Variants in SHISA9 observed in about 807,000 individuals in gnomAD.
SHISA9 encodes protein shisa-9.
In SHISA9, 13 loss-of-function variants were observed where a neutral mutation model predicts 38.0. The ratio of observed to expected loss-of-function variants is 0.34; its 90% confidence interval spans 0.22 to 0.54. The LOEUF (loss-of-function observed/expected upper bound fraction) is 0.54. Among genes scored for constraint, SHISA9 ranks in the 20% least tolerant of loss-of-function variants. The pLI, the probability that SHISA9 is intolerant of heterozygous loss-of-function variation, is 0.91. For missense variants in SHISA9, 538 were observed against 575.8 expected, an observed-to-expected ratio of 0.93 and a Z score of 0.67; for synonymous variants, 275 against 242.0, an observed-to-expected ratio of 1.14 and a Z score of -1.27.
the SHISA9 span, among the ~76,000 whole-genome samples, chr16:13,534,072 C>T: frequency 1.3e-5 from 2 of 152,034 alleles, no homozygotes; most frequent in South Asian, 2.1e-4. Context: ...CGTGAGCCAC[C>T]GCGCCTGGCC....
chr16:13,474,529 T>C, the SHISA9 span, among the ~76,000 whole-genome samples: 1 of 152,246 alleles, frequency 6.6e-6, no homozygotes, highest in East Asian at 1.9e-4. Flanking sequence ...TTATTAGAAC[T>C]GTTCTAGGTA....
the SHISA9 span, among the ~76,000 whole-genome samples, chr16:13,451,784 A>T: frequency 1.3e-5 from 2 of 152,242 alleles, no homozygotes; most frequent in Non-Finnish European, 2.9e-5. Context: ...AGGACTGTGG[A>T]CATGTCAAGA....
intron 2 of SHISA9, among the ~76,000 whole-genome samples, chr16:13,015,917 TTC>T: frequency 2.3e-5 from 3 of 130,240 alleles, no homozygotes; most frequent in Non-Finnish European, 1.6e-5. Context: ...TTTTCTTTCT[TTC>T]TCCTTCCTTC....
intron 2 of SHISA9, among the ~76,000 whole-genome samples, chr16:13,102,245 G>C (rs2073885711): frequency 6.6e-6 from 1 of 152,138 alleles, no homozygotes; most frequent in Non-Finnish European, 1.5e-5. Context: ...AGTTATGATT[G>C]TGCTACCTGT....
the SHISA9 span, among the ~76,000 whole-genome samples, chr16:13,399,657 C>T: frequency 2.6e-5 from 4 of 152,196 alleles, no homozygotes; most frequent in Non-Finnish European, 4.4e-5. Context: ...GAAGCTCCTG[C>T]TTCTTCACCG....
the SHISA9 span, among the ~76,000 whole-genome samples, chr16:13,514,303 A>G: frequency 6.6e-6 from 1 of 152,112 alleles, no homozygotes; most frequent in Non-Finnish European, 1.5e-5. Flanking sequence ...AATTAAATTA[A>G]ATTTAAAAAA....
chr16:13,071,445 T>C (rs1036198423), intron 2 of SHISA9, among the ~76,000 whole-genome samples: 2 of 152,098 alleles, frequency 1.3e-5, no homozygotes, highest in African/African-American at 2.4e-5. Context: ...GCTCAGAACA[T>C]TGAGAAATTT....
the SHISA9 span, among the ~76,000 whole-genome samples, chr16:13,324,926 G>A: frequency 6.6e-6 from 1 of 152,202 alleles, no homozygotes; most frequent in Non-Finnish European, 1.5e-5. Flanking sequence ...TGGATTCAAA[G>A]TTTTCCTGAT....
At chr16:13,423,436 A>G in the SHISA9 span, among the ~76,000 whole-genome samples, 1 of 152,186 alleles carries the variant, frequency 6.6e-6, no homozygotes, top group African/African-American at 2.4e-5. Context: ...CAAGAGTTCA[A>G]TTTCATTTTA....
chr16:12,993,872 G>A (rs1285238495), intron 2 of SHISA9, among the ~76,000 whole-genome samples: 6 of 152,122 alleles, frequency 3.9e-5, no homozygotes, highest in Non-Finnish European at 5.9e-5. Flanking sequence ...TCCAGGTGGA[G>A]GGAATAGCAT....
At chr16:13,405,003 G>A in the SHISA9 span, among the ~76,000 whole-genome samples, 5 of 152,202 alleles carry the variant, frequency 3.3e-5, no homozygotes, top group Non-Finnish European at 7.3e-5. Flanking sequence ...CCTAAGGCAG[G>A]TGGAAGACAC....
chr16:13,526,867 A>G, the SHISA9 span, among the ~76,000 whole-genome samples: 4 of 152,214 alleles, frequency 2.6e-5, no homozygotes, highest in Admixed American at 6.5e-5. Context: ...ACGTACATCC[A>G]TGGTGAAGAA....
intron 2 of SHISA9, among the ~76,000 whole-genome samples, chr16:12,979,670 TTTC>T (rs1207332905): frequency 6.6e-6 from 1 of 152,194 alleles, no homozygotes; most frequent in Non-Finnish European, 1.5e-5. Context: ...GGAATTTTCT[TTTC>T]TTTTTTTTCC....
At chr16:13,527,722 G>T in the SHISA9 span, among the ~76,000 whole-genome samples, 1 of 152,064 alleles carries the variant, frequency 6.6e-6, no homozygotes, top group Non-Finnish European at 1.5e-5. Context: ...TCTTGGGCTC[G>T]GTGAGAAACC....
the SHISA9 span, among the ~76,000 whole-genome samples, chr16:13,393,979 C>T: frequency 2.0e-5 from 3 of 152,192 alleles, no homozygotes; most frequent in African/African-American, 4.8e-5. Flanking sequence ...CGGTGCTCTA[C>T]GTCACGTCCC....
In SHISA9 at chr16:13,239,364, G is replaced by A. The variant is rs2051416059; in HGVS notation, c.*3955G>A. ...TGGGTATATACCCAGTAATGGGATG[G>A]CTGGGTCAAATGGTATTTCTAGTTC... On this transcript the variant is annotated 3_prime_UTR_variant, in exon 5 of 5. Coordinates refer to ENST00000558583, the MANE Select transcript of SHISA9 (RefSeq NM_001145204.3). 6.6e-6 allele frequency: 1 copy of A among 151,028 alleles called. No homozygotes were observed. The highest frequency in any genetic ancestry group is 2.4e-5 in the African/African-American group (1 of 41,046). The allele number at this position is 151,028 out of a possible 1,614,324, so 9.4% of individuals were successfully genotyped here. A position where few individuals can be genotyped will look rare whatever the true frequency, so the allele number is the denominator to read the frequency against.
chr16:13,348,560 CTG>C, the SHISA9 span, among the ~76,000 whole-genome samples: 1 of 151,736 alleles, frequency 6.6e-6, no homozygotes, highest in African/African-American at 2.4e-5. Context: ...GTGCCTGACT[CTG>C]TAACCAATCA....
chr16:13,169,868 G>T (rs2050669945), intron 2 of SHISA9, among the ~76,000 whole-genome samples: 1 of 152,070 alleles, frequency 6.6e-6, no homozygotes, highest in African/African-American at 2.4e-5. Context: ...ATGGCAGTCT[G>T]GTTATGAATC....
intron 2 of SHISA9, among the ~76,000 whole-genome samples, chr16:13,068,058 G>T (rs1460250858): frequency 6.6e-6 from 1 of 152,226 alleles, no homozygotes; most frequent in African/African-American, 2.4e-5. Context: ...AAAGAGCTGA[G>T]TGGTTGACCA....
Sources: allele counts gnomAD v4.1 joint callset (sites outside exome capture counted in the v4.1 genomes callset), GRCh38; gene constraint gnomAD v4.1.1; transcripts MANE v1.5; gene names NCBI Gene and HGNC (gene_info 2026-07-23, HGNC 2026-07-21).